The following TTLL11 variants were observed in gnomAD, a reference collection of about 807,000 sequenced individuals.
TTLL11 encodes the protein tubulin polyglutamylase TTLL11.
A neutral mutation model predicts 51.7 loss-of-function variants in TTLL11; 42 were observed. That is an observed-to-expected ratio of 0.81 (90% CI 0.64 to 1.05). The LOEUF (loss-of-function observed/expected upper bound fraction) is 1.05. TTLL11 is among the 50% of genes least tolerant of loss of function. TTLL11 has a pLI of 0.00. For synonymous variants in TTLL11, 381 were observed against 383.5 expected (o/e 0.99, Z 0.08); for missense variants, 799 against 940.4 (o/e 0.85, Z 1.97).
At chr9:121,915,976 C>G (rs549224685) in intron 6 of TTLL11, among the ~76,000 whole-genome samples, 1 of 126,218 alleles carries the variant, frequency 7.9e-6, no homozygotes, top group East Asian at 2.4e-4. Flanking sequence ...CATGTATAGA[C>G]AAAGACACAC....
chr9:121,860,193 T>G, intron 8 of TTLL11, 144 bp downstream of exon 8: 1 of 623,586 alleles, frequency 1.6e-6, no homozygotes, highest in South Asian at 2.3e-5. Flanking sequence ...GCATTTAAAT[T>G]CAGCTCAATC....
chr9:121,863,893 C>T (rs1353813940), intron 7 of TTLL11, among the ~76,000 whole-genome samples: 5 of 152,140 alleles, frequency 3.3e-5, no homozygotes, highest in Non-Finnish European at 5.9e-5. Flanking sequence ...GAGTAGTGGG[C>T]TTGGGAGCTG....
At chr9:121,972,740 C>A (rs976461197) in intron 6 of TTLL11, among the ~76,000 whole-genome samples, 5 of 152,264 alleles carry the variant, frequency 3.3e-5, no homozygotes, top group African/African-American at 1.2e-4. Flanking sequence ...GCCTTCCACC[C>A]AGGCCAATTA....
intron 1 of TTLL11, among the ~76,000 whole-genome samples, chr9:122,051,304 G>GGGAT (rs1040147486): frequency 1.1e-4 from 16 of 152,086 alleles, no homozygotes; most frequent in Admixed American, 9.8e-4. Flanking sequence ...TCGACTAAGG[G>GGGAT]GGATGGATGG....
chr9:122,010,834 G>C (rs147895091), intron 3 of TTLL11, among the ~76,000 whole-genome samples: 7 of 152,276 alleles, frequency 4.6e-5, no homozygotes, highest in African/African-American at 1.7e-4. Flanking sequence ...TTAAAAATAT[G>C]GCTTTCAGTG....
intron 6 of TTLL11, among the ~76,000 whole-genome samples, chr9:121,973,369 A>G (rs1291856847): frequency 6.6e-6 from 1 of 152,200 alleles, no homozygotes; most frequent in East Asian, 1.9e-4. Context: ...TGTCCTAGTT[A>G]CCTATGGCCC....
At chr9:121,985,528 T>G (rs946055202) in intron 4 of TTLL11, among the ~76,000 whole-genome samples, 1 of 145,136 alleles carries the variant, frequency 6.9e-6, no homozygotes, top group Non-Finnish European at 1.5e-5. Flanking sequence ...TTTTTTTTTT[T>G]TTTTTTGAGA....
intron 3 of TTLL11, among the ~76,000 whole-genome samples, chr9:122,006,625 T>C (rs1843653966): frequency 1.3e-5 from 2 of 152,224 alleles, no homozygotes; most frequent in Admixed American, 6.5e-5. Context: ...CTGACCACTT[T>C]ATTATGTCAC....
chr9:122,077,127 A>G (rs1845883987), intron 1 of TTLL11, among the ~76,000 whole-genome samples: 1 of 152,194 alleles, frequency 6.6e-6, no homozygotes, highest in South Asian at 2.1e-4. Flanking sequence ...ACAAATAAAA[A>G]CTGAGTTTAT....
chr9:121,992,073 A>G (rs957398642), intron 3 of TTLL11, among the ~76,000 whole-genome samples: 2 of 152,122 alleles, frequency 1.3e-5, no homozygotes, highest in Non-Finnish European at 1.5e-5. Context: ...CTCTGGCCTC[A>G]CCCTAAAGAT....
chr9:121,891,078 C>A lies in TTLL11; in HGVS notation c.1482-20330G>T, dbSNP rs73542907. Among the ~76,000 whole-genome samples, 504 of 152,308 alleles carry A rather than the reference C, an allele frequency of 3.3e-3. 3 individuals carry two copies. Among genetic ancestry groups the A allele is most frequent in the African/African-American group, 0.012 (479 of 41,560 alleles). The stretch of plus-strand genomic sequence containing the variant: ...GGCCCCCTTCACTAGGCTCCCATGA[C>A]ACCCTGTTTTTAACCCCTTTTGAAG... On this transcript the variant is annotated intron_variant, in intron 6 of 8. Coordinates refer to ENST00000321582, the MANE Select transcript of TTLL11 (RefSeq NM_001139442.2).
intron 1 of TTLL11, among the ~76,000 whole-genome samples, chr9:122,053,309 T>C (rs1036529795): frequency 6.6e-6 from 1 of 152,074 alleles, no homozygotes; most frequent in Non-Finnish European, 1.5e-5. Flanking sequence ...GAGGGGCCAC[T>C]GGAGCGGGGC....
intron 6 of TTLL11, among the ~76,000 whole-genome samples, chr9:121,933,499 T>A (rs12000800): frequency 0.076 from 11,531 of 152,220 alleles, 652 homozygotes; most frequent in African/African-American, 0.16. Context: ...GACCTCTGTC[T>A]AGTGTGGAGA....
At position 121,818,223 on chromosome 9, in the gene TTLL11, C is replaced by G. The variant is rs1174889959; in HGVS notation, c.*4364G>C. On this transcript the variant is annotated 3_prime_UTR_variant, in exon 9 of 9. Transcript: ENST00000321582. ...CATGGGTACGCAGCCCAGGCCTGGC[C>G]ACAAAGGGCCATGGAGAGACACCTA... 1.3e-5 allele frequency: 2 copies of G among 152,352 alleles called. No homozygotes were observed. The highest frequency in any genetic ancestry group is 2.9e-5 in the Non-Finnish European group (2 of 68,186). The allele number at this position is 152,352 out of a possible 1,614,324, so 9.4% of individuals were successfully genotyped here.
chr9:122,027,228 AG>A (rs982639679), intron 3 of TTLL11, among the ~76,000 whole-genome samples: 3 of 152,154 alleles, frequency 2.0e-5, no homozygotes, highest in African/African-American at 7.2e-5. Flanking sequence ...TGCAACACCA[AG>A]GGGGGAAATC....
At chr9:121,924,792 A>G (rs1019052578) in intron 6 of TTLL11, among the ~76,000 whole-genome samples, 9 of 150,640 alleles carry the variant, frequency 6.0e-5, no homozygotes, top group African/African-American at 2.2e-4. Flanking sequence ...CTGAGCAAAA[A>G]TCGTCAAGCC....
In TTLL11 at chr9:121,904,643, G is replaced by C. The variant is rs193180052; in HGVS notation, c.1482-33895C>G. ...CACATAAGAGAAACCTCAGGCTCTA[G>C]TAGCTACCGACCCCATCCTCATGGA... On this transcript the variant is annotated intron_variant, in intron 6 of 8. Transcript: ENST00000321582. Among the ~76,000 whole-genome samples the C allele has an allele frequency of 1.7e-3, 253 of 152,340 alleles. 1 individual carries two copies. The highest frequency in any genetic ancestry group is 3.4e-3 in the Non-Finnish European group (231 of 68,030).
chr9:121,954,126 G>C (rs34748234), intron 6 of TTLL11, among the ~76,000 whole-genome samples: 494 of 152,330 alleles, frequency 3.2e-3, no homozygotes, highest in Middle Eastern at 6.8e-3. Context: ...GCCGGGGCTA[G>C]AACCCGGGTC....
At chr9:122,028,312 C>T (rs1161573449) in intron 3 of TTLL11, among the ~76,000 whole-genome samples, 3 of 152,078 alleles carry the variant, frequency 2.0e-5, no homozygotes, top group African/African-American at 4.8e-5. Flanking sequence ...GACTGTCAAA[C>T]TGAATAAAAG....
Sources: allele counts gnomAD v4.1 joint callset (sites outside exome capture counted in the v4.1 genomes callset), GRCh38; gene constraint gnomAD v4.1.1; transcripts MANE v1.5; gene names NCBI Gene and HGNC (gene_info 2026-07-23, HGNC 2026-07-21).